SNTG1: variants seen among roughly 807,000 people sequenced by gnomAD.
The protein encoded by SNTG1 is syntrophin gamma 1, also known as gamma-1-syntrophin.
In SNTG1, 39 loss-of-function variants were observed where a neutral mutation model predicts 74.7. The observed-to-expected ratio is 0.52, with a 90% CI of 0.40 to 0.68. SNTG1 has a LOEUF of 0.68. Among genes scored for constraint, SNTG1 ranks in the 30% least tolerant of loss-of-function variants. SNTG1 has a pLI of 0.00. For missense variants in SNTG1, 685 were observed against 609.5 expected, an observed-to-expected ratio of 1.12 and a Z score of -1.30; for synonymous variants, 254 against 217.1, an observed-to-expected ratio of 1.17 and a Z score of -1.49.
rs564721517 is a variant in SNTG1 at position 50,755,395 on chromosome 8, A to G, written c.1395+3284A>G. Among the ~76,000 whole-genome samples the G allele has an allele frequency of 9.9e-5, 15 of 151,782 alleles. No individual in the cohort carries two copies. In the South Asian group the frequency reaches 3.1e-3, roughly 31 times the overall value. On this transcript the variant is annotated intron_variant, in intron 18 of 18. Coordinates refer to ENST00000642720, the MANE Select transcript of SNTG1 (RefSeq NM_018967.5). ...ATATTGGCTTATTTTACTTAGTGGT[A>G]TGACTTTAAGTTTCTTCCATGTCTT...
rs1021416579 is a variant in SNTG1 at position 50,063,900 on chromosome 8, A to C, written c.-102-108661A>C. Among the ~76,000 whole-genome samples, 4 of 152,194 alleles carry C rather than the reference A, an allele frequency of 2.6e-5. No individual in the cohort carries two copies. The South Asian group carries it at 8.3e-4, about 31-fold the overall frequency. Reference sequence around the variant, plus strand: ...CCCACATTTACATATCTCAAGCTCTAATCTCCTGCAGAACGTGTGTTATAG... The same window carrying C: ...CCCACATTTACATATCTCAAGCTCTCATCTCCTGCAGAACGTGTGTTATAG... On this transcript the variant is annotated intron_variant, in intron 1 of 18. Transcript: ENST00000642720.
In SNTG1 at chr8:50,375,498, G is replaced by A. The variant is rs142014727; in HGVS notation, c.-27-18714G>A. On this transcript the variant is annotated intron_variant, in intron 2 of 18. Transcript: ENST00000642720. Reference sequence around the variant, plus strand: ...TGTGGGAGGGGTGCTGAGCAATTGTGAGCATGAGTGTGAATGAGGTGAGAG... The same window carrying A: ...TGTGGGAGGGGTGCTGAGCAATTGTAAGCATGAGTGTGAATGAGGTGAGAG... Among the ~76,000 whole-genome samples, 735 of 152,236 alleles carry A rather than the reference G, an allele frequency of 4.8e-3. 10 individuals carry two copies. The highest frequency in any genetic ancestry group is 5.5e-3 in the Non-Finnish European group (376 of 68,018).
intron 11 of SNTG1, among the ~76,000 whole-genome samples, chr8:50,537,859 C>T (rs749169662): frequency 8.5e-5 from 13 of 152,068 alleles, no homozygotes; most frequent in Non-Finnish European, 1.9e-4. Flanking sequence ...ACCTTTGTTC[C>T]AATAAAACTT....
chr8:49,940,886 G>T (rs1285642585), intron 1 of SNTG1, among the ~76,000 whole-genome samples: 1 of 152,290 alleles, frequency 6.6e-6, no homozygotes, highest in Non-Finnish European at 1.5e-5. Flanking sequence ...GGTCAGGAAT[G>T]ACTGCTCTGA....
intron 18 of SNTG1, among the ~76,000 whole-genome samples, chr8:50,786,569 G>A (rs6473377): frequency 0.092 from 13,932 of 151,730 alleles, 1,864 homozygotes; most frequent in African/African-American, 0.3. Context: ...AAGTTGGAGA[G>A]AACCCCCAGT....
chr8:49,925,442 G>C (rs1281217001), intron 1 of SNTG1, among the ~76,000 whole-genome samples: 1 of 148,220 alleles, frequency 6.7e-6, no homozygotes, highest in Non-Finnish European at 1.5e-5. Context: ...CTGTGTGTGT[G>C]TATCTGTCTG....
At chr8:50,704,162 T>C (rs1317739882) in intron 15 of SNTG1, among the ~76,000 whole-genome samples, 1 of 152,194 alleles carries the variant, frequency 6.6e-6, no homozygotes, top group African/African-American at 2.4e-5. Flanking sequence ...ACTCATTTTC[T>C]TTTTCATTTC....
At chr8:50,001,406 G>A (rs747222604) in intron 1 of SNTG1, among the ~76,000 whole-genome samples, 2 of 152,146 alleles carry the variant, frequency 1.3e-5, no homozygotes, top group Non-Finnish European at 2.9e-5. Context: ...AGGTGGCCTT[G>A]AACTGCTAGA....
intron 17 of SNTG1, among the ~76,000 whole-genome samples, chr8:50,725,436 A>T (rs2095497690): frequency 6.6e-6 from 1 of 152,186 alleles, no homozygotes; most frequent in South Asian, 2.1e-4. Context: ...ATAAGTATAT[A>T]TAGTTCTATA....
intron 1 of SNTG1, among the ~76,000 whole-genome samples, chr8:50,126,739 CTTCTGGAA>C (rs2081153096): frequency 6.6e-6 from 1 of 151,986 alleles, no homozygotes; most frequent in African/African-American, 2.4e-5. Context: ...AGTGGAGAAA[CTTCTGGAA>C]CAGGTGACAA....
chr8:50,781,405 A>G (rs1480519493), intron 18 of SNTG1, among the ~76,000 whole-genome samples: 1 of 152,096 alleles, frequency 6.6e-6, no homozygotes, highest in Non-Finnish European at 1.5e-5. Context: ...GGGTGCATAT[A>G]TATTTAGGAG....
chr8:49,936,325 T>G (rs1404636410), intron 1 of SNTG1, among the ~76,000 whole-genome samples: 2 of 152,152 alleles, frequency 1.3e-5, no homozygotes, highest in African/African-American at 4.8e-5. Flanking sequence ...GAAAATTCAG[T>G]GTGCTGAAAG....
chr8:50,257,411 G>A (rs931561210), intron 2 of SNTG1, among the ~76,000 whole-genome samples: 3 of 152,238 alleles, frequency 2.0e-5, no homozygotes, highest in African/African-American at 4.8e-5. Context: ...CCCCATGTGT[G>A]GTGCAGAGTT....
At chr8:50,021,639 T>G (rs1816823748) in intron 1 of SNTG1, among the ~76,000 whole-genome samples, 1 of 152,084 alleles carries the variant, frequency 6.6e-6, no homozygotes, top group African/African-American at 2.4e-5. Flanking sequence ...AAGCATCTTC[T>G]GCTGGACACT....
chr8:50,501,998 T>C (rs542498226), intron 8 of SNTG1, among the ~76,000 whole-genome samples: 2 of 152,240 alleles, frequency 1.3e-5, no homozygotes, highest in African/African-American at 4.8e-5. Context: ...TTCTTTTAAT[T>C]TTTTTTAAAT....
chr8:50,173,096 T>C (rs772919162), intron 2 of SNTG1, among the ~76,000 whole-genome samples: 6 of 150,368 alleles, frequency 4.0e-5, no homozygotes, highest in East Asian at 1.9e-4. Context: ...GTTGCGATGC[T>C]TGGCAGGGTG....
intron 2 of SNTG1, among the ~76,000 whole-genome samples, chr8:50,345,646 C>T (rs886932160): frequency 6.6e-6 from 1 of 152,286 alleles, no homozygotes; most frequent in South Asian, 2.1e-4. Context: ...TCATGATTTT[C>T]TAATTGATTT....
chr8:50,775,512 T>G (rs1377534882), intron 18 of SNTG1, among the ~76,000 whole-genome samples: 1 of 151,720 alleles, frequency 6.6e-6, no homozygotes, highest in Non-Finnish European at 1.5e-5. Flanking sequence ...TTTAATTATT[T>G]TAAATTTATT....
intron 2 of SNTG1, among the ~76,000 whole-genome samples, chr8:50,219,866 T>C (rs1481418613): frequency 7.2e-5 from 11 of 152,118 alleles, no homozygotes; most frequent in Non-Finnish European, 1.3e-4. Context: ...AGGCAAATGA[T>C]AGAAAAGTAG....
Sources: gnomAD v4.1 joint callset for allele counts (sites outside exome capture counted in the v4.1 genomes callset) on GRCh38, gnomAD v4.1.1 for gene constraint, MANE v1.5 for transcripts, NCBI Gene and HGNC (gene_info 2026-07-23, HGNC 2026-07-21) for gene names.